Variants in CD8B2 observed in about 807,000 individuals in gnomAD.
CD8B2 encodes T-cell surface glycoprotein CD8 beta-2 chain.
In CD8B2, 11 loss-of-function variants were observed where a neutral mutation model predicts 23.7. The ratio of observed to expected loss-of-function variants is 0.46; its 90% CI spans 0.29 to 0.77. The LOEUF (loss-of-function observed/expected upper bound fraction) is 0.77. CD8B2 is among the 30% of genes least tolerant of loss of function. The pLI is 0.09. For missense variants in CD8B2, 197 were observed against 270.5 expected, an observed-to-expected ratio of 0.73 and a Z score of 1.91; for synonymous variants, 90 against 109.3, an observed-to-expected ratio of 0.82 and a Z score of 1.10.
chr2:106,501,145 G>A (rs1440374450), intron 3 of CD8B2, among the ~76,000 whole-genome samples: 2 of 152,120 alleles, frequency 1.3e-5, no homozygotes, highest in South Asian at 2.1e-4. Context: ...ACCTCAGGAA[G>A]GCACCTTTGT....
At chr2:106,521,226 A>G (rs573320142) in intron 5 of CD8B2, among the ~76,000 whole-genome samples, 1 of 152,226 alleles carries the variant, frequency 6.6e-6, no homozygotes, top group Non-Finnish European at 1.5e-5. Context: ...ACCACACTCT[A>G]ATCGTATTAT....
intron 2 of CD8B2, among the ~76,000 whole-genome samples, chr2:106,492,080 G>A (rs1679207895): frequency 6.6e-6 from 1 of 152,120 alleles, no homozygotes. Flanking sequence ...AGGGCCTACA[G>A]CTCGAATTCA....
intron 5 of CD8B2, among the ~76,000 whole-genome samples, chr2:106,539,842 T>C (rs562277668): frequency 1.7e-4 from 26 of 152,326 alleles, no homozygotes; most frequent in African/African-American, 5.8e-4. Flanking sequence ...AAAAAGTGTA[T>C]TCTCCTACTG....
At chr2:106,537,691 A>T (rs1449103500) in intron 5 of CD8B2, among the ~76,000 whole-genome samples, 1 of 152,208 alleles carries the variant, frequency 6.6e-6, no homozygotes, top group Non-Finnish European at 1.5e-5. Context: ...AAAGAAGAGC[A>T]TGGCTGTTCT....
intron 5 of CD8B2, among the ~76,000 whole-genome samples, chr2:106,537,017 A>C (rs1270751962): frequency 6.6e-6 from 1 of 152,150 alleles, no homozygotes; most frequent in Admixed American, 6.5e-5. Context: ...CCAATAGGAC[A>C]CATCTGTGCT....
intron 3 of CD8B2, among the ~76,000 whole-genome samples, chr2:106,498,678 C>T (rs1193250333): frequency 6.6e-6 from 1 of 152,120 alleles, no homozygotes; most frequent in Non-Finnish European, 1.5e-5. Context: ...CTGTCTACCA[C>T]TGCCTGTACT....
At chr2:106,494,172 G>A (rs1434408970) in intron 2 of CD8B2, among the ~76,000 whole-genome samples, 1 of 141,286 alleles carries the variant, frequency 7.1e-6, no homozygotes, top group South Asian at 2.2e-4. Flanking sequence ...TTTTTTTTGA[G>A]ACGGAGTCAC....
chr2:106,504,388 A>G, intron 5 of CD8B2, 63 bp downstream of exon 5: 1 of 1,552,814 alleles, frequency 6.4e-7, no homozygotes, highest in Non-Finnish European at 8.7e-7. Context: ...TGCAGCCTCT[A>G]ACTGCGGCGA....
downstream of CD8B2, among the ~76,000 whole-genome samples, chr2:106,511,709 G>A (rs995496711): frequency 5.9e-5 from 9 of 152,152 alleles, no homozygotes; most frequent in Non-Finnish European, 1.3e-4. Context: ...CCTGTCTTCA[G>A]AGGCCTTCCA....
intron 1 of CD8B2, among the ~76,000 whole-genome samples, chr2:106,488,868 G>A (rs1464414480): frequency 6.6e-6 from 1 of 152,156 alleles, no homozygotes; most frequent in African/African-American, 2.4e-5. Flanking sequence ...CAAGAAGTGA[G>A]TGACCCAAAG....
intron 2 of CD8B2, among the ~76,000 whole-genome samples, chr2:106,495,273 T>A (rs1424291586): frequency 6.7e-6 from 1 of 149,526 alleles, no homozygotes; most frequent in Admixed American, 6.7e-5. Flanking sequence ...GGCTCGTACC[T>A]GTAATACTAG....
chr2:106,543,299 G>A (rs62154045), intron 5 of CD8B2: 2 of 152,128 alleles, frequency 1.3e-5, no homozygotes, highest in African/African-American at 4.8e-5. Flanking sequence ...AGGCCTCCTG[G>A]GAAGATCGTT....
chr2:106,507,931 G>A lies in CD8B2; in HGVS notation c.*991G>A, dbSNP rs988996842. ...GTTCATTTCTACCGCGGGTTGAACC[G>A]CAGGGATCCCTGGCTTCAAGTCAGG... On this transcript the variant is annotated 3_prime_UTR_variant, in exon 6 of 6. Coordinates refer to ENST00000643224, the MANE Select transcript of CD8B2 (RefSeq NM_001349727.2). 2.0e-5 allele frequency: 3 copies of A among 149,102 alleles called. No homozygotes were observed. The highest frequency in any genetic ancestry group is 3.0e-5 in the Non-Finnish European group (2 of 67,430). 9.2% of individuals were successfully genotyped at this position (149,102 alleles called of 1,614,324 possible).
At chr2:106,533,127 G>C (rs140830159) in intron 5 of CD8B2, among the ~76,000 whole-genome samples, 1 of 152,254 alleles carries the variant, frequency 6.6e-6, no homozygotes, top group Non-Finnish European at 1.5e-5. Flanking sequence ...CCATGCTGGG[G>C]GTCGAGGCAA....
downstream of CD8B2, among the ~76,000 whole-genome samples, chr2:106,511,243 CTT>C (rs1679625328): frequency 1.3e-5 from 2 of 152,172 alleles, no homozygotes; most frequent in African/African-American, 2.4e-5. Flanking sequence ...CAGCTGTAGA[CTT>C]TGGGCGAGCT....
chr2:106,537,166 C>T (rs147629314), intron 5 of CD8B2, among the ~76,000 whole-genome samples: 1 of 152,288 alleles, frequency 6.6e-6, no homozygotes, highest in African/African-American at 2.4e-5. Flanking sequence ...AGGCCTCATG[C>T]TCTGGGCTTC....
chr2:106,536,387 C>A (rs976642239), intron 5 of CD8B2, among the ~76,000 whole-genome samples: 3 of 152,090 alleles, frequency 2.0e-5, no homozygotes, highest in African/African-American at 7.2e-5. Context: ...AGAACAGCAG[C>A]AAAGGGAGAA....
At chr2:106,527,880 A>G (rs1679936930) in intron 5 of CD8B2, among the ~76,000 whole-genome samples, 1 of 152,214 alleles carries the variant, frequency 6.6e-6, no homozygotes. Flanking sequence ...ACCCAACTGT[A>G]AAAGTGGGGG....
chr2:106,516,128 C>T (rs1387202599), intron 5 of CD8B2, among the ~76,000 whole-genome samples: 3 of 152,092 alleles, frequency 2.0e-5, no homozygotes, highest in South Asian at 2.1e-4. Flanking sequence ...CTGCACTGGG[C>T]CTGGACTCCT....
Sources: gnomAD v4.1 joint callset for allele counts (sites outside exome capture counted in the v4.1 genomes callset) on GRCh38, gnomAD v4.1.1 for gene constraint, MANE v1.5 for transcripts, NCBI Gene and HGNC (gene_info 2026-07-23, HGNC 2026-07-21) for gene names.